CCNT2: variants seen among roughly 807,000 people sequenced by gnomAD.
CCNT2 encodes the protein cyclin-T2.
A neutral mutation model predicts 70.0 loss-of-function variants in CCNT2; 18 were observed. That is an observed-to-expected ratio of 0.26 (90% CI 0.18 to 0.38). The LOEUF is 0.38. CCNT2 is among the 10% of genes least tolerant of loss of function. CCNT2 has a pLI of 1.00. For missense variants in CCNT2, 734 were observed against 890.2 expected (o/e 0.82, Z 2.23); for synonymous variants, 334 against 313.3 (o/e 1.07, Z -0.70).
chr2:134,943,923 T>A, intron 5 of CCNT2: 1 of 960,596 alleles, frequency 1.0e-6, no homozygotes, highest in Non-Finnish European at 1.2e-6. Context: ...AATCTTTTGT[T>A]TTTAGTATTT....
At chr2:134,943,245 A>G (rs559400703) in intron 5 of CCNT2, 1 of 406,562 alleles carries the variant, frequency 2.5e-6, no homozygotes, top group Non-Finnish European at 3.3e-6. Flanking sequence ...TACAAAAAAC[A>G]CAAAAATTAG....
At chr2:134,943,486 G>T in intron 5 of CCNT2, 10 of 984,966 alleles carry the variant, frequency 1.0e-5, no homozygotes, top group Non-Finnish European at 1.2e-5. Flanking sequence ...ATTTTTCGAG[G>T]GTCTTTGACA....
chr2:134,943,593 A>G (rs1250446775), intron 5 of CCNT2: 1 of 985,186 alleles, frequency 1.0e-6, no homozygotes, highest in African/African-American at 1.7e-5. Flanking sequence ...GTTTATAAAC[A>G]GGAGTACTTT....
At chr2:134,919,046 G>A (rs758030863) in intron 1 of CCNT2, 34 bp downstream of exon 1, 1 of 1,567,152 alleles carries the variant, frequency 6.4e-7, no homozygotes, top group Non-Finnish European at 8.7e-7. Context: ...CTCACGCCCT[G>A]TTTCCCTTGC....
chr2:134,923,597 T>C (rs1364973777), intron 2 of CCNT2, among the ~76,000 whole-genome samples: 1 of 152,260 alleles, frequency 6.6e-6, no homozygotes. Flanking sequence ...TACTAACCTG[T>C]AAATTTGAGA....
chr2:134,927,681 A>G (rs961959993), intron 2 of CCNT2, among the ~76,000 whole-genome samples: 2 of 152,250 alleles, frequency 1.3e-5, no homozygotes, highest in Middle Eastern at 3.2e-3. Flanking sequence ...TTTAGTATTA[A>G]TAGCTAAAAT....
chr2:134,939,135 C>A, intron 4 of CCNT2, 73 bp downstream of exon 4: 1 of 1,041,828 alleles, frequency 9.6e-7, no homozygotes, highest in South Asian at 1.4e-5. Flanking sequence ...GAAAAGATTT[C>A]TGAAATAATT....
chr2:134,954,179 A>T lies in CCNT2; in HGVS notation c.1724A>T (p.His575Leu), dbSNP rs1682752517. The T allele has an allele frequency of 1.2e-6, 2 of 1,614,126 alleles. No homozygotes were observed. Among genetic ancestry groups the T allele is most frequent in the Non-Finnish European group, 1.7e-6 (2 of 1,180,048 alleles). The change falls in exon 9 of 9, where the codon CAT (histidine) becomes CTT (leucine). Residue 575 changes from histidine to leucine, a missense_variant. This residue lies in a region of CCNT2 where 532 missense variants were observed against 556.9 expected (regional missense o/e 0.96). Transcript: ENST00000264157. ...SSRHHTSSHK[H>L]SHSHSGSSSG... ...CGCCACCACACCAGCAGCCACAAGC[A>T]TTCCCACTCGCATAGTGGCAGCAGC...
intron 1 of CCNT2, 121 bp from the exon 2 acceptor site, chr2:134,919,689 C>T: frequency 5.8e-6 from 4 of 694,848 alleles, no homozygotes; most frequent in Admixed American, 2.9e-5. Flanking sequence ...TTCTTTATTT[C>T]CAGTTTGGGG....
intron 2 of CCNT2, among the ~76,000 whole-genome samples, chr2:134,927,748 A>G (rs1472893554): frequency 6.6e-6 from 1 of 152,200 alleles, no homozygotes; most frequent in African/African-American, 2.4e-5. Context: ...TTTATTATAA[A>G]CATACATATA....
intron 2 of CCNT2, among the ~76,000 whole-genome samples, chr2:134,930,969 A>ATTT (rs60712972): frequency 2.8e-5 from 4 of 144,812 alleles, no homozygotes; most frequent in Non-Finnish European, 4.6e-5. Flanking sequence ...AAGGATTTGA[A>ATTT]TTTTTTTTTT....
At chr2:134,939,581 T>G (rs1460712147) in intron 4 of CCNT2, among the ~76,000 whole-genome samples, 1 of 152,140 alleles carries the variant, frequency 6.6e-6, no homozygotes, top group Admixed American at 6.5e-5. Flanking sequence ...TTCTCCTGCC[T>G]CAGCCTCCCG....
chr2:134,933,316 C>T (rs1340279495), intron 2 of CCNT2, among the ~76,000 whole-genome samples: 1 of 152,198 alleles, frequency 6.6e-6, no homozygotes, highest in East Asian at 1.9e-4. Context: ...TAGAATGATT[C>T]ATTGAAACTG....
chr2:134,931,287 TGGTA>T (rs1680751828), intron 2 of CCNT2, among the ~76,000 whole-genome samples: 1 of 139,148 alleles, frequency 7.2e-6, no homozygotes, highest in Non-Finnish European at 1.5e-5. Flanking sequence ...TTTTTTTTTT[TGGTA>T]TTTGAATATA....
intron 6 of CCNT2, among the ~76,000 whole-genome samples, chr2:134,946,774 C>T (rs910877518): frequency 1.1e-4 from 16 of 151,250 alleles, no homozygotes; most frequent in Admixed American, 9.2e-4. Context: ...ATAACATTTC[C>T]ATCATTGAAA....
chr2:134,919,219 G>C (rs890705997), intron 1 of CCNT2, among the ~76,000 whole-genome samples: 1 of 152,188 alleles, frequency 6.6e-6, no homozygotes, highest in African/African-American at 2.4e-5. Flanking sequence ...CGGGCCAGGA[G>C]CCTGCGTTGT....
intron 2 of CCNT2, among the ~76,000 whole-genome samples, chr2:134,934,155 A>G (rs17698630): frequency 0.25 from 37,418 of 152,200 alleles, 5,022 homozygotes; most frequent in Middle Eastern, 0.58. Context: ...TCATGACACT[A>G]TTCAGAGTTC....
chr2:134,954,740 G>A lies in CCNT2; in HGVS notation c.*92G>A, dbSNP rs1573874142. 1.4e-6 allele frequency: 1 copy of A among 736,062 alleles called. No homozygotes were observed. Among genetic ancestry groups the A allele is most frequent in the African/African-American group, 1.8e-5 (1 of 56,376 alleles). The allele number at this position is 736,062 out of a possible 1,614,324, so 45.6% of individuals were successfully genotyped here. On this transcript the variant is annotated 3_prime_UTR_variant, in exon 9 of 9. Coordinates refer to ENST00000264157, the MANE Select transcript of CCNT2 (RefSeq NM_058241.3). Reference sequence around the variant, plus strand: ...TTCTGATCTAGCAGTGGTAACCCCTGCTGTTGCTGCCACTGCTTCAATATT... The same window carrying A: ...TTCTGATCTAGCAGTGGTAACCCCTACTGTTGCTGCCACTGCTTCAATATT...
intron 2 of CCNT2, among the ~76,000 whole-genome samples, chr2:134,935,861 A>T: frequency 6.6e-6 from 1 of 151,936 alleles, no homozygotes. Context: ...TTTCTACTAT[A>T]TTGGTTTATA....
Sources: gnomAD v4.1 joint callset for allele counts (sites outside exome capture counted in the v4.1 genomes callset) on GRCh38, gnomAD v4.1.1 for gene constraint, gnomAD v4.1.1 regional missense constraint, MANE v1.5 for transcripts, NCBI Gene and HGNC (gene_info 2026-07-23, HGNC 2026-07-21) for gene names.